Variants in MMP2 observed in about 807,000 individuals in gnomAD.
MMP2 encodes the protein matrix metallopeptidase 2.
A neutral mutation model predicts 74.8 loss-of-function variants in MMP2; 39 were observed. The observed-to-expected ratio is 0.52, with a 90% confidence interval of 0.40 to 0.68. The LOEUF (loss-of-function observed/expected upper bound fraction) is 0.68. MMP2 is among the 30% of genes least tolerant of loss of function. The pLI is 0.00. For synonymous variants in MMP2, 367 were observed against 339.8 expected (o/e 1.08, Z -0.88); for missense variants, 803 against 878.3 (o/e 0.91, Z 1.08).
At position 55,502,902 on chromosome 16, in the gene MMP2, G is replaced by C; in HGVS notation, c.1879+14G>C. ...TGCAGGGCGGCGGTGAGCCACCCAG[G>C]ACTGTCTCCGCTTTCTAGGACTCCC... On this transcript the variant is annotated intron_variant, in intron 12 of 12. Transcript: ENST00000219070. The C allele has an allele frequency of 6.2e-7, 1 of 1,602,688 alleles. No homozygotes were observed. Among genetic ancestry groups the C allele is most frequent in the Non-Finnish European group, 8.5e-7 (1 of 1,170,980 alleles).
intron 11 of MMP2, among the ~76,000 whole-genome samples, chr16:55,499,952 C>T (rs1487877925): frequency 1.3e-5 from 2 of 152,054 alleles, no homozygotes; most frequent in South Asian, 2.1e-4. Flanking sequence ...AGGCCTTTGT[C>T]TGCCATCCCC....
Position 55,482,986 on chromosome 16 carries a change from G to A in MMP2, c.231G>A (p.Met77Ile). 6.2e-7 allele frequency: 1 copy of A among 1,614,196 alleles called. No individual in the cohort carries two copies. Among genetic ancestry groups the A allele is most frequent in the Non-Finnish European group, 8.5e-7 (1 of 1,180,032 alleles). The change falls in exon 2 of 13, where the codon ATG (methionine) becomes ATA (isoleucine). Residue 77 changes from methionine (M) to isoleucine (I), a missense_variant. Around this residue, in one of 3 missense-constraint regions of MMP2, gnomAD observed 223 missense variants for 232.8 expected, o/e 0.96. Coordinates refer to ENST00000219070, the MANE Select transcript of MMP2 (RefSeq NM_004530.6). ...TGCTGAAGGACACACTAAAGAAGAT[G>A]CAGAAGTTCTTTGGACTGCCCCAGA... Reference protein sequence around the residue: ...LFVLKDTLKKMQKFFGLPQTG... With the variant: ...LFVLKDTLKKIQKFFGLPQTG...
chr16:55,506,618 T>A lies in MMP2; in HGVS notation c.*1176T>A, dbSNP rs750227380. 1 of 152,262 alleles carries A rather than the reference T, an allele frequency of 6.6e-6. No homozygotes were observed. Among genetic ancestry groups the A allele is most frequent in the Non-Finnish European group, 1.5e-5 (1 of 68,058 alleles). The allele number at this position is 152,262 out of a possible 1,614,324, so 9.4% of individuals were successfully genotyped here. On this transcript the variant is annotated 3_prime_UTR_variant, in exon 13 of 13. Transcript: ENST00000219070. ...TTCTATGTGCAAGGCACTTTTCACG[T>A]GTCACCTATTTTAACCTTTCCAACC... is the stretch of plus-strand genomic sequence containing the variant.
At chr16:55,503,848 T>C (rs1017354427) in intron 12 of MMP2, among the ~76,000 whole-genome samples, 1 of 152,116 alleles carries the variant, frequency 6.6e-6, no homozygotes, top group Admixed American at 6.6e-5. Context: ...CAGATAATTA[T>C]TGGCGGGCAA....
At chr16:55,493,426 G>T (rs1231563594) in intron 9 of MMP2, 133 bp downstream of exon 9, 1 of 1,264,312 alleles carries the variant, frequency 7.9e-7, no homozygotes, top group Non-Finnish European at 1.1e-6. Context: ...GGCAGTTTCT[G>T]CTGTGTATCA....
intron 9 of MMP2, among the ~76,000 whole-genome samples, chr16:55,495,936 TAC>T (rs1237083151): frequency 6.6e-6 from 1 of 152,142 alleles, no homozygotes; most frequent in Admixed American, 6.6e-5. Flanking sequence ...CACGCACAGA[TAC>T]ACACACACAG....
intron 9 of MMP2, among the ~76,000 whole-genome samples, chr16:55,496,424 TA>T (rs1962530038): frequency 7.5e-6 from 1 of 132,792 alleles, no homozygotes; most frequent in South Asian, 2.5e-4. Context: ...TTGTGGGGAT[TA>T]AATTACAAGG....
intron 11 of MMP2, among the ~76,000 whole-genome samples, chr16:55,499,290 C>T (rs1962608122): frequency 6.6e-6 from 1 of 152,132 alleles, no homozygotes; most frequent in South Asian, 2.1e-4. Context: ...TTAGTCTTCA[C>T]TCTTCACTAC....
chr16:55,484,173 A>C lies in MMP2; in HGVS notation c.529+9A>C. ...CAACTTTGGCCGCTGGGGTAGGCAG[A>C]AGATGGGGCAGAAGAGGGGCCAGCA... On this transcript the variant is annotated intron_variant, in intron 3 of 12. Transcript: ENST00000219070. 6.2e-7 allele frequency: 1 copy of C among 1,613,774 alleles called. No individual in the cohort carries two copies. The highest frequency in any genetic ancestry group is 2.2e-5 in the East Asian group (1 of 44,864).
chr16:55,498,473 A>G (rs1375245052), intron 11 of MMP2, 25 bp downstream of exon 11: 4 of 1,613,936 alleles, frequency 2.5e-6, no homozygotes, highest in Non-Finnish European at 3.4e-6. Flanking sequence ...TGGGTAGGAC[A>G]GCAGCACAGT....
At chr16:55,492,577 G>A (rs143308272) in intron 8 of MMP2, among the ~76,000 whole-genome samples, 1 of 151,886 alleles carries the variant, frequency 6.6e-6, no homozygotes, top group East Asian at 1.9e-4. Flanking sequence ...TAGTGAAAGT[G>A]GTGCTTGAGT....
At chr16:55,485,994 A>G (rs748100288) in intron 5 of MMP2, among the ~76,000 whole-genome samples, 1 of 152,194 alleles carries the variant, frequency 6.6e-6, no homozygotes, top group Non-Finnish European at 1.5e-5. Flanking sequence ...ACTCTAATTA[A>G]ATCAAGTTGA....
rs540184171 is a variant in MMP2, at chr16:55,505,797, C to T, written c.*355C>T. 2.8e-6 allele frequency: 1 copy of T among 361,568 alleles called. No individual in the cohort carries two copies. The highest frequency in any genetic ancestry group is 6.4e-5 in the East Asian group (1 of 15,584). The allele number at this position is 361,568 out of a possible 1,614,324, so 22.4% of individuals were successfully genotyped here. On this transcript the variant is annotated 3_prime_UTR_variant, in exon 13 of 13. Transcript: ENST00000219070. ...TCACAACCTTCTGTGGCTCACAGAA[C>T]CCTTGGAGCCAATGGAGACTGTCTC... is the stretch of plus-strand genomic sequence containing the variant.
intron 9 of MMP2, 22 bp from the exon 10 acceptor site, chr16:55,496,904 G>T (rs1216693293): frequency 5.6e-6 from 9 of 1,613,266 alleles, no homozygotes; most frequent in Non-Finnish European, 7.6e-6. Context: ...GTGGTTTCCT[G>T]TGCCCCCTTG....
chr16:55,498,343 C>T lies in MMP2; in HGVS notation c.1664C>T (p.Pro555Leu). Residue 555 changes from proline to leucine, a missense_variant, in exon 11 of 13, where the codon CCA becomes CTA. Physicochemically the swap from Pro to Leu is moderately conservative, Grantham distance 98 (BLOSUM62 -3). Coordinates refer to ENST00000219070, the MANE Select transcript of MMP2 (RefSeq NM_004530.6). ...ASTLERGYPKPLTSLGLPPDV... is the reference protein window; with the variant it reads ...ASTLERGYPKLLTSLGLPPDV... ...ACCCTGGAGCGAGGGTACCCCAAGCCACTGACCAGCCTGGGACTGCCCCCT... is the reference window on the plus strand; with the variant it reads ...ACCCTGGAGCGAGGGTACCCCAAGCTACTGACCAGCCTGGGACTGCCCCCT... 1 of 1,614,250 alleles carries T rather than the reference C, an allele frequency of 6.2e-7. No individual in the cohort carries two copies. The highest frequency in any genetic ancestry group is 8.5e-7 in the Non-Finnish European group (1 of 1,180,044).
In MMP2 at chr16:55,505,390, G is replaced by C; in HGVS notation, c.1931G>C (p.Ser644Thr). The part of the protein sequence containing the change: ...GAYYLKLENQ[S>T]LKSVKFGSIK... Reference sequence around the variant, plus strand: ...TATTACCTGAAGCTGGAGAACCAAAGTCTGAAGAGCGTGAAGTTTGGAAGC... The same window carrying C: ...TATTACCTGAAGCTGGAGAACCAAACTCTGAAGAGCGTGAAGTTTGGAAGC... Residue 644 changes from serine (S) to threonine (T), a missense_variant, in exon 13 of 13, where the codon AGT (serine) becomes ACT (threonine). Ser to Thr is a moderately conservative substitution (Grantham distance 58). Around this residue, in one of 3 missense-constraint regions of MMP2, gnomAD observed 555 missense variants for 592.0 expected, o/e 0.94. Coordinates refer to ENST00000219070, the MANE Select transcript of MMP2 (RefSeq NM_004530.6). 1.2e-6 allele frequency: 2 copies of C among 1,614,138 alleles called. No homozygotes were observed. The highest frequency in any genetic ancestry group is 1.7e-6 in the Non-Finnish European group (2 of 1,180,026).
intron 10 of MMP2, among the ~76,000 whole-genome samples, 189 bp from the exon 11 acceptor site, chr16:55,498,100 C>G (rs1291026847): frequency 6.6e-6 from 1 of 152,182 alleles, no homozygotes; most frequent in Non-Finnish European, 1.5e-5. Context: ...GACCAGGCAC[C>G]TTCTGTAATT....
Position 55,498,440 on chromosome 16 carries a change from A to C in MMP2, c.1761A>C (p.Lys587Asn). 6.2e-7 allele frequency: 1 copy of C among 1,614,172 alleles called. No homozygotes were observed. The highest frequency in any genetic ancestry group is 8.5e-7 in the Non-Finnish European group (1 of 1,180,022). ...AGACATACATCTTTGCTGGAGACAAATTCTGGAGGTAAGGGAGGGCGGTGG... is the reference window on the plus strand; with the variant it reads ...AGACATACATCTTTGCTGGAGACAACTTCTGGAGGTAAGGGAGGGCGGTGG... ...NKKTYIFAGDKFWRYNEVKKK... is the reference protein window; with the variant it reads ...NKKTYIFAGDNFWRYNEVKKK... Residue 587 changes from lysine to asparagine, a missense_variant, in exon 11 of 13, where the codon AAA (lysine) becomes AAC (asparagine). This residue lies in a region of MMP2 where 555 missense variants were observed against 592.0 expected (regional missense o/e 0.94). Coordinates refer to ENST00000219070, the MANE Select transcript of MMP2 (RefSeq NM_004530.6).
intron 5 of MMP2, chr16:55,488,030 G>A (rs1962302221): frequency 9.7e-6 from 2 of 206,996 alleles, no homozygotes; most frequent in Admixed American, 1.1e-4. Context: ...ATTGAGATTA[G>A]TGTGTTTTGT....
Sources: allele counts gnomAD v4.1 joint callset (sites outside exome capture counted in the v4.1 genomes callset), GRCh38; gene constraint gnomAD v4.1.1; regional missense constraint gnomAD v4.1.1; transcripts MANE v1.5; gene names NCBI Gene and HGNC (gene_info 2026-07-23, HGNC 2026-07-21).